USP25: variants seen among roughly 807,000 people sequenced by gnomAD.
USP25 encodes the protein ubiquitin specific peptidase 25, also known as ubiquitin carboxyl-terminal hydrolase 25.
USP25 carries 85 observed loss-of-function variants against 158.5 expected under a neutral mutation model. The ratio of observed to expected loss-of-function variants is 0.54; its 90% confidence interval spans 0.45 to 0.64. The LOEUF (loss-of-function observed/expected upper bound fraction) is 0.64, where lower values mean the gene tolerates loss of function less well. USP25 is among the 30% of genes least tolerant of loss of function. The pLI, the probability that USP25 is intolerant of heterozygous loss-of-function variation, is 0.00. For synonymous variants in USP25, 464 were observed against 460.4 expected, an observed-to-expected ratio of 1.01 and a Z score of -0.10; for missense variants, 1,242 against 1,327.3, an observed-to-expected ratio of 0.94 and a Z score of 1.00.
In USP25 at chr21:15,879,867, A is replaced by T. The variant is rs1293963313; in HGVS notation, c.*1392A>T. On this transcript the variant is annotated 3_prime_UTR_variant, in exon 26 of 26. Coordinates refer to ENST00000400183, the MANE Select transcript of USP25 (RefSeq NM_001283041.3). ...ACTAGTAAGGTGTTAATGACAAGGA[A>T]TTAGTACTATTCCTGTTGTAAAGTT... 1 of 152,434 alleles carries T rather than the reference A, an allele frequency of 6.6e-6. No homozygotes were observed. The highest frequency in any genetic ancestry group is 2.4e-5 in the African/African-American group (1 of 41,456). 9.4% of individuals were successfully genotyped at this position (152,434 alleles called of 1,614,324 possible). A position where few individuals can be genotyped will look rare whatever the true frequency, so the allele number is the denominator to read the frequency against.
At chr21:15,832,439 T>TA (rs1491287742) in intron 16 of USP25, among the ~76,000 whole-genome samples, 1 of 152,164 alleles carries the variant, frequency 6.6e-6, no homozygotes, top group African/African-American at 2.4e-5. Flanking sequence ...CACTTCTGAC[T>TA]AAAAAAATGA....
intron 4 of USP25, among the ~76,000 whole-genome samples, chr21:15,790,641 A>C (rs1446348682): frequency 6.6e-6 from 1 of 150,502 alleles, no homozygotes; most frequent in Non-Finnish European, 1.5e-5. Context: ...AATAATAAGT[A>C]ACAAGTTTCT....
intron 5 of USP25, among the ~76,000 whole-genome samples, chr21:15,792,331 C>A (rs2035633105): frequency 6.6e-6 from 1 of 151,484 alleles, no homozygotes; most frequent in African/African-American, 2.4e-5. Context: ...TATCAAAATT[C>A]TTTATCATTC....
intron 2 of USP25, 86 bp from the exon 3 acceptor site, chr21:15,765,911 A>C: frequency 2.2e-6 from 3 of 1,385,328 alleles, no homozygotes; most frequent in Non-Finnish European, 2.9e-6. Context: ...ATTTTGTTCT[A>C]GAGAGTTATG....
rs150818172 is a variant in USP25, at chr21:15,873,814, G to T, written c.2886-589G>T. 7.9e-5 allele frequency among the ~76,000 whole-genome samples: 12 copies of T among 152,150 alleles called. No individual in the cohort carries two copies. The East Asian group carries it at 2.3e-3, about 29-fold the overall frequency. On this transcript the variant is annotated intron_variant, in intron 23 of 25. Coordinates refer to ENST00000400183, the MANE Select transcript of USP25 (RefSeq NM_001283041.3). The stretch of plus-strand genomic sequence containing the variant: ...GGCCTCTATCAGCTTTTTTATGTTT[G>T]CAGGCTTTTTGTTTTTGCTTTATTC...
chr21:15,840,874 AAC>A (rs1350862910), intron 17 of USP25, among the ~76,000 whole-genome samples: 1 of 152,232 alleles, frequency 6.6e-6, no homozygotes, highest in African/African-American at 2.4e-5. Flanking sequence ...AAGAGTGCCA[AAC>A]ACAAGGAAAA....
chr21:15,842,499 C>T lies in USP25; in HGVS notation c.2296C>T (p.His766Tyr), dbSNP rs761874993. The stretch of plus-strand genomic sequence containing the variant: ...TATTCAAATAATTACCAAGGCATCA[C>T]ATGAGCATGAAGATAAAAGTCCTGA... ...ETIQIITKAS[H>Y]EHEDKSPETV... The change falls in exon 18 of 26, where the codon CAT becomes TAT. Residue 766 changes from histidine to tyrosine, a missense_variant. This residue lies in a region of USP25 where 608 missense variants were observed against 605.2 expected (regional missense o/e 1.00). Coordinates refer to ENST00000400183, the MANE Select transcript of USP25 (RefSeq NM_001283041.3). 1.2e-6 allele frequency: 2 copies of T among 1,613,710 alleles called. No individual in the cohort carries two copies. The highest frequency in any genetic ancestry group is 1.7e-6 in the Non-Finnish European group (2 of 1,179,712).
intron 14 of USP25, among the ~76,000 whole-genome samples, chr21:15,827,765 CGTGTGTGT>C (rs34923569): frequency 0.061 from 8,350 of 136,864 alleles, 730 homozygotes; most frequent in African/African-American, 0.19. Context: ...TGTGCGTGTG[CGTGTGTGT>C]GTGTGTGTGT....
At chr21:15,821,238 A>G (rs2037220066) in intron 10 of USP25, among the ~76,000 whole-genome samples, 1 of 151,974 alleles carries the variant, frequency 6.6e-6, no homozygotes, top group Non-Finnish European at 1.5e-5. Context: ...TCAGCAGTAT[A>G]TCATGAGCAT....
At chr21:15,849,374 G>A (rs1189514643) in intron 19 of USP25, among the ~76,000 whole-genome samples, 2 of 152,156 alleles carry the variant, frequency 1.3e-5, no homozygotes, top group African/African-American at 4.8e-5. Flanking sequence ...GACTAGACAA[G>A]GGGCAGAAGT....
intron 4 of USP25, among the ~76,000 whole-genome samples, chr21:15,780,125 A>T (rs1009757337): frequency 6.6e-6 from 1 of 152,210 alleles, no homozygotes; most frequent in East Asian, 1.9e-4. Flanking sequence ...CTTCTTCATT[A>T]CTGAAGTTGA....
At chr21:15,743,214 C>T (rs993870113) in intron 1 of USP25, among the ~76,000 whole-genome samples, 1 of 152,234 alleles carries the variant, frequency 6.6e-6, no homozygotes, top group Non-Finnish European at 1.5e-5. Flanking sequence ...CGCGGCTCAT[C>T]ACTCCCATAT....
chr21:15,822,583 G>A (rs1391203231), intron 10 of USP25, among the ~76,000 whole-genome samples: 1 of 151,916 alleles, frequency 6.6e-6, no homozygotes, highest in African/African-American at 2.4e-5. Context: ...GAAAGTGATA[G>A]TTCTTGAAAT....
In USP25 at chr21:15,826,840, G is replaced by A. The variant is rs2037529528; in HGVS notation, c.1467-137G>A. ...TATGTATTAAAAATCTCATTTGGATGTTAGATCAATCCACATATTTCTTTA... is the reference window on the plus strand; with the variant it reads ...TATGTATTAAAAATCTCATTTGGATATTAGATCAATCCACATATTTCTTTA... On this transcript the variant is annotated intron_variant, in intron 13 of 25. Transcript: ENST00000400183. This position sits in a 1 kb window ranked among gnomAD's most constrained non-coding sequence, Gnocchi z 4.8. 2.7e-6 allele frequency: 2 copies of A among 731,436 alleles called. No homozygotes were observed. The highest frequency in any genetic ancestry group is 4.4e-6 in the Non-Finnish European group (2 of 456,850). The allele number at this position is 731,436 out of a possible 1,614,324, so 45.3% of individuals were successfully genotyped here. A position where few individuals can be genotyped will look rare whatever the true frequency, so the allele number is the denominator to read the frequency against.
intron 1 of USP25, among the ~76,000 whole-genome samples, chr21:15,743,421 G>A (rs1262300643): frequency 1.3e-5 from 2 of 152,176 alleles, no homozygotes; most frequent in Non-Finnish European, 2.9e-5. Flanking sequence ...TTGAGCAACA[G>A]AAAAGCTCTT....
At chr21:15,733,242 T>C (rs532413190) in intron 1 of USP25, among the ~76,000 whole-genome samples, 2 of 142,028 alleles carry the variant, frequency 1.4e-5, no homozygotes, top group Non-Finnish European at 3.0e-5. Flanking sequence ...ATTTACAGAG[T>C]GAAATGAACA....
intron 1 of USP25, among the ~76,000 whole-genome samples, chr21:15,743,705 T>C (rs2032273696): frequency 6.6e-6 from 1 of 152,144 alleles, no homozygotes. Context: ...TTAAACTGTC[T>C]TTGGTTTGAA....
chr21:15,745,153 AG>A (rs891640481), intron 1 of USP25: 1 of 152,300 alleles, frequency 6.6e-6, no homozygotes, highest in African/African-American at 2.4e-5. Context: ...GGAGGCAGGC[AG>A]GGGATGTTGC....
intron 1 of USP25, among the ~76,000 whole-genome samples, chr21:15,748,826 A>C (rs2032770262): frequency 6.6e-6 from 1 of 152,182 alleles, no homozygotes; most frequent in African/African-American, 2.4e-5. Context: ...TGTGGCTTCA[A>C]CTAAGGAAAT....
Sources: gnomAD v4.1 joint callset for allele counts (sites outside exome capture counted in the v4.1 genomes callset) on GRCh38, gnomAD v4.1.1 for gene constraint, gnomAD v4.1.1 regional missense constraint, Gnocchi (gnomAD v3.1) non-coding constraint, MANE v1.5 for transcripts, NCBI Gene and HGNC (gene_info 2026-07-23, HGNC 2026-07-21) for gene names.